DPF1: variants seen among roughly 807,000 people sequenced by gnomAD.
DPF1 encodes the protein zinc finger protein neuro-d4.
Under a neutral mutation model 58.7 loss-of-function variants are expected in DPF1, and 14 were observed. The observed-to-expected ratio is 0.24, with a 90% confidence interval of 0.16 to 0.37. The LOEUF (loss-of-function observed/expected upper bound fraction) is 0.37. Among genes scored for constraint, DPF1 ranks in the 10% least tolerant of loss-of-function variants. The pLI is 1.00. For missense variants in DPF1, 345 were observed against 529.9 expected (o/e 0.65, Z 3.43); for synonymous variants, 216 against 216.0 (o/e 1.00, Z 0.00).
upstream of DPF1, chr19:38,229,685 G>A (rs1967968211): frequency 1.9e-6 from 1 of 535,360 alleles, no homozygotes; most frequent in Non-Finnish European, 2.4e-6. This position sits in a 1 kb window ranked among gnomAD's most constrained non-coding sequence, Gnocchi z 5.3. Context: ...CGCCCAGCGC[G>A]CTACGATTTC....
intron 3 of DPF1, among the ~76,000 whole-genome samples, chr19:38,221,307 G>A (rs1171862188): frequency 6.6e-6 from 1 of 152,138 alleles, no homozygotes; most frequent in Admixed American, 6.5e-5. Flanking sequence ...GGAGGCCAAG[G>A]CAGGTGGATC....
Position 38,217,477 on chromosome 19 carries a change from C to T in DPF1, c.710G>A (p.Arg237Gln), listed in dbSNP as rs2062874207. Residue 237 changes from arginine (R) to glutamine (Q), a missense_variant, in exon 7 of 12, where the codon CGG becomes CAG. Arg to Gln is a conservative substitution (Grantham distance 43). Transcript: ENST00000355526. ...NAERHALPFH[R>Q]KNNHKQFYKE... ...CAGCTCACGTTTATGGTTGTTTTTC[C>T]GGTGGAAGGGCAGGGCGTGGCGTTC... The T allele has an allele frequency of 1.3e-6, 2 of 1,513,152 alleles. No individual in the cohort carries two copies. Among genetic ancestry groups the T allele is most frequent in the African/African-American group, 1.4e-5 (1 of 71,268 alleles). The allele number at this position is 1,513,152 out of a possible 1,614,324, so 93.7% of individuals were successfully genotyped here. A position where few individuals can be genotyped will look rare whatever the true frequency, so the allele number is the denominator to read the frequency against.
At chr19:38,223,868 A>C in intron 1 of DPF1, 1 of 409,626 alleles carries the variant, frequency 2.4e-6, no homozygotes, top group South Asian at 8.3e-5. Context: ...CAGGGAAGGG[A>C]TGATGTCTCC....
At chr19:38,218,698 G>A (rs778823204) in intron 4 of DPF1, 36 bp from the exon 5 acceptor site, 1 of 1,609,726 alleles carries the variant, frequency 6.2e-7, no homozygotes, top group Non-Finnish European at 8.5e-7. Context: ...TCAAGAAAGT[G>A]GGGGCCACTG....
rs747839731 is a variant in DPF1, at chr19:38,216,107, C to T, written c.898+33G>A. 36 of 1,588,242 alleles carry T rather than the reference C, an allele frequency of 2.3e-5. No individual in the cohort carries two copies. In the Middle Eastern group the frequency reaches 1.2e-3, roughly 51 times the overall value. On this transcript the variant is annotated intron_variant, in intron 9 of 11. Coordinates refer to ENST00000355526, the MANE Select transcript of DPF1 (RefSeq NM_001135155.3). ...TGCACTCCTGAATGTCCTCTGCACC[C>T]GGCCCCCAGAAACCTCAGGTGGGGA... is the stretch of plus-strand genomic sequence containing the variant.
upstream of DPF1, among the ~76,000 whole-genome samples, chr19:38,225,905 A>AATAG: frequency 6.6e-6 from 1 of 151,990 alleles, no homozygotes; most frequent in Non-Finnish European, 1.5e-5. Flanking sequence ...AAAAAAAAAA[A>AATAG]ATAGATGCTC....
upstream of DPF1, among the ~76,000 whole-genome samples, chr19:38,226,273 C>T (rs1369638544): frequency 7.4e-6 from 1 of 135,166 alleles, no homozygotes; most frequent in African/African-American, 2.7e-5. Context: ...TCCCCCTTTC[C>T]CCTTCCCACC....
chr19:38,215,435 G>A (rs1966945828), intron 9 of DPF1, among the ~76,000 whole-genome samples: 1 of 152,110 alleles, frequency 6.6e-6, no homozygotes, highest in Admixed American at 6.5e-5. Flanking sequence ...GGAGGTTGCA[G>A]TGAGCCAAGA....
intron 11 of DPF1, 43 bp downstream of exon 11, chr19:38,212,237 T>TGGGGGGGGGGGGGGGGGGGGGGGGGGGGG: frequency 8.0e-7 from 1 of 1,256,806 alleles, no homozygotes; most frequent in Non-Finnish European, 1.1e-6. Context: ...GGAGATGGCG[T>TGGGGGGGGGGGGGGGGGGGGGGGGGGGGG]TCCCACCCAC....
At chr19:38,218,791 T>G (rs570211797) in intron 4 of DPF1, 129 bp from the exon 5 acceptor site, 7 of 1,529,238 alleles carry the variant, frequency 4.6e-6, no homozygotes, top group Non-Finnish European at 5.4e-6. Flanking sequence ...AGAGATGAAG[T>G]CTGGGAGGAT....
rs1408294424 is a variant in DPF1 at position 38,222,329 on chromosome 19, CG to C, written c.298+27del. On this transcript the variant is annotated intron_variant, in intron 3 of 11. Transcript: ENST00000355526. The surrounding 1 kb of genome is among the most constrained non-coding windows in gnomAD (Gnocchi z 4.9). ...GGACACACAGCAGGCGCTGGGACACCGATGGGGGCCCCAGCGGCTGCACCCA... is the reference window on the plus strand; with the variant it reads ...GGACACACAGCAGGCGCTGGGACACCATGGGGGCCCCAGCGGCTGCACCCA... The C allele has an allele frequency of 3.2e-6, 5 of 1,575,014 alleles. No homozygotes were observed. The African/African-American group carries it at 7.0e-5, about 22-fold the overall frequency.
chr19:38,211,952 C>T lies in DPF1; in HGVS notation c.*111G>A, dbSNP rs1000757724. 12 of 1,300,162 alleles carry T rather than the reference C, an allele frequency of 9.2e-6. No individual in the cohort carries two copies. Among genetic ancestry groups the T allele is most frequent in the Non-Finnish European group, 1.3e-5 (12 of 933,358 alleles). The allele number at this position is 1,300,162 out of a possible 1,614,324, so 80.5% of individuals were successfully genotyped here. A position where few individuals can be genotyped will look rare whatever the true frequency, so the allele number is the denominator to read the frequency against. On this transcript the variant is annotated 3_prime_UTR_variant, in exon 12 of 12. Coordinates refer to ENST00000355526, the MANE Select transcript of DPF1 (RefSeq NM_001135155.3). The surrounding 1 kb of genome is among the most constrained non-coding windows in gnomAD (Gnocchi z 4.0). ...AGGGGGTGGCCCAGCCCCCTCTCGGCTTCCCCCTCTCCCCCTCCCCCTGCG... is the reference window on the plus strand; with the variant it reads ...AGGGGGTGGCCCAGCCCCCTCTCGGTTTCCCCCTCTCCCCCTCCCCCTGCG...
At chr19:38,219,080 G>A in intron 3 of DPF1, 22 bp from the exon 4 acceptor site, 2 of 1,612,300 alleles carry the variant, frequency 1.2e-6, no homozygotes, top group Non-Finnish European at 1.7e-6. Context: ...GCCATGGGGG[G>A]GTCAGATGGG....
At chr19:38,217,999 C>G (rs896418828) in intron 5 of DPF1, 123 bp from the exon 6 acceptor site, 1 of 915,198 alleles carries the variant, frequency 1.1e-6, no homozygotes, top group Non-Finnish European at 1.7e-6. Flanking sequence ...GTCAAGAGAT[C>G]GAGACCACCT....
intron 3 of DPF1, among the ~76,000 whole-genome samples, chr19:38,221,713 G>A (rs1015613043): frequency 6.6e-6 from 1 of 152,110 alleles, no homozygotes; most frequent in Non-Finnish European, 1.5e-5. Context: ...ACTTTGGAGG[G>A]CTGAGACAGG....
upstream of DPF1, among the ~76,000 whole-genome samples, chr19:38,229,210 G>A (rs1454526751): frequency 6.6e-6 from 1 of 152,032 alleles, no homozygotes; most frequent in Non-Finnish European, 1.5e-5. This position sits in a 1 kb window ranked among gnomAD's most constrained non-coding sequence, Gnocchi z 5.3. Flanking sequence ...TTTCAGCCCC[G>A]GCCGGGGCAG....
Position 38,216,199 on chromosome 19 carries a change from C to G in DPF1, c.839G>C (p.Gly280Ala). Residue 280 changes from glycine to alanine, a missense_variant, in exon 9 of 12, where the codon GGC becomes GCC. Physicochemically the swap from Gly to Ala is moderately conservative, Grantham distance 60 (BLOSUM62 0). Transcript: ENST00000355526. Reference protein sequence around the residue: ...PNGYCDFCLGGSKKTGCPEDL... With the variant: ...PNGYCDFCLGASKKTGCPEDL... ...CTCGGGACACCCCGTCTTCTTGGAG[C>G]CCCCCAGGCAGAAGTCACAGTAGCC... The G allele has an allele frequency of 6.2e-7, 1 of 1,614,084 alleles. No individual in the cohort carries two copies. Among genetic ancestry groups the G allele is most frequent in the South Asian group, 1.1e-5 (1 of 91,084 alleles).
chr19:38,223,925 A>T, intron 1 of DPF1, 189 bp downstream of exon 1: 1 of 688,032 alleles, frequency 1.5e-6, no homozygotes, highest in African/African-American at 1.9e-5. Flanking sequence ...CCACCCCGCC[A>T]GGGAGCGGTG....
At chr19:38,216,972 T>G (rs1016854554) in intron 7 of DPF1, among the ~76,000 whole-genome samples, 1 of 152,180 alleles carries the variant, frequency 6.6e-6, no homozygotes, top group African/African-American at 2.4e-5. Flanking sequence ...GGGTGTGTAG[T>G]GGCCAGGGGT....
Sources: allele counts gnomAD v4.1 joint callset (sites outside exome capture counted in the v4.1 genomes callset), GRCh38; gene constraint gnomAD v4.1.1; non-coding constraint Gnocchi (gnomAD v3.1); transcripts MANE v1.5; gene names NCBI Gene and HGNC (gene_info 2026-07-23, HGNC 2026-07-21).